Variants in LSAMP observed in about 807,000 individuals in gnomAD.
LSAMP encodes the protein limbic system associated membrane protein.
LSAMP carries 7 observed loss-of-function variants against 38.6 expected under a neutral mutation model. That is an observed-to-expected ratio of 0.18 (90% CI 0.10 to 0.34). The LOEUF is 0.34. Among genes scored for constraint, LSAMP ranks in the 10% least tolerant of loss-of-function variants. The probability of loss-of-function intolerance (pLI) is 1.00; values close to 1 mark genes in which losing one functional copy is unlikely to be tolerated. For synonymous variants in LSAMP, 154 were observed against 166.8 expected (o/e 0.92, Z 0.59); for missense variants, 313 against 420.0 (o/e 0.75, Z 2.23).
intron 1 of LSAMP, among the ~76,000 whole-genome samples, chr3:116,137,809 C>T (rs931452282): frequency 6.6e-6 from 1 of 152,050 alleles, no homozygotes; most frequent in African/African-American, 2.4e-5. Flanking sequence ...TAATGATGGC[C>T]TTATCAAAGG....
At chr3:116,359,389 C>A (rs1056965270) in intron 1 of LSAMP, among the ~76,000 whole-genome samples, 19 of 152,174 alleles carry the variant, frequency 1.2e-4, no homozygotes, top group Non-Finnish European at 2.9e-5. Context: ...CTCTCTCCAA[C>A]AAAGCAGTAT....
chr3:116,241,883 T>A (rs1381566105), intron 1 of LSAMP, among the ~76,000 whole-genome samples: 1 of 152,240 alleles, frequency 6.6e-6, no homozygotes, highest in Admixed American at 6.5e-5. Flanking sequence ...CCATTGGAAT[T>A]GGGGGTGTAA....
chr3:116,421,848 A>G (rs1356415373), intron 1 of LSAMP, among the ~76,000 whole-genome samples: 4 of 152,222 alleles, frequency 2.6e-5, no homozygotes, highest in Non-Finnish European at 5.9e-5. Context: ...AAAATGGTGT[A>G]GTTATTTTGG....
intron 2 of LSAMP, among the ~76,000 whole-genome samples, chr3:116,062,248 C>A (rs1295049776): frequency 6.6e-6 from 1 of 152,242 alleles, no homozygotes; most frequent in East Asian, 1.9e-4. Context: ...GTGGCCTATG[C>A]CTGTAATCCC....
At chr3:116,203,943 A>T (rs1166205877) in intron 1 of LSAMP, among the ~76,000 whole-genome samples, 1 of 152,094 alleles carries the variant, frequency 6.6e-6, no homozygotes, top group Non-Finnish European at 1.5e-5. Context: ...GTCAAATGGT[A>T]TTTCTAGTTC....
chr3:115,894,446 T>C (rs1936679429), intron 3 of LSAMP, among the ~76,000 whole-genome samples: 1 of 152,042 alleles, frequency 6.6e-6, no homozygotes, highest in African/African-American at 2.4e-5. Flanking sequence ...TAAAACACCA[T>C]GTGAGTGAGA....
chr3:115,878,489 T>C, intron 3 of LSAMP, among the ~76,000 whole-genome samples: 1 of 125,692 alleles, frequency 8.0e-6, no homozygotes, highest in African/African-American at 3.2e-5. Context: ...TTTGACAGAC[T>C]CTTGCTCTGT....
At chr3:115,988,208 A>T (rs543298372) in intron 3 of LSAMP, among the ~76,000 whole-genome samples, 16 of 152,290 alleles carry the variant, frequency 1.1e-4, no homozygotes, top group African/African-American at 3.8e-4. Flanking sequence ...AATTTTCATT[A>T]CAATGCTTCA....
intron 1 of LSAMP, among the ~76,000 whole-genome samples, chr3:116,411,829 G>A (rs1204568355): frequency 6.6e-6 from 1 of 151,850 alleles, no homozygotes; most frequent in Non-Finnish European, 1.5e-5. Flanking sequence ...AGGTGATTAG[G>A]TCATGAGGGC....
chr3:116,154,493 A>G (rs115526406), intron 1 of LSAMP, among the ~76,000 whole-genome samples: 121 of 152,284 alleles, frequency 7.9e-4, no homozygotes, highest in Admixed American at 3.1e-3. Flanking sequence ...CACTGATTAA[A>G]CATTTCACAG....
At chr3:115,895,283 T>C (rs1403424804) in intron 3 of LSAMP, among the ~76,000 whole-genome samples, 1 of 152,074 alleles carries the variant, frequency 6.6e-6, no homozygotes, top group Non-Finnish European at 1.5e-5. Flanking sequence ...TTTAGGGATG[T>C]ATCATTTTGG....
At chr3:115,855,708 C>T (rs968615051) in intron 3 of LSAMP, among the ~76,000 whole-genome samples, 1 of 152,182 alleles carries the variant, frequency 6.6e-6, no homozygotes, top group African/African-American at 2.4e-5. Flanking sequence ...TGTGTCCGTC[C>T]TCATGAGAGC....
chr3:116,273,813 T>C (rs7610592), intron 1 of LSAMP, among the ~76,000 whole-genome samples: 102,676 of 136,570 alleles, frequency 0.75, 39,147 homozygotes, highest in Non-Finnish European at 0.81. Flanking sequence ...TTTTCTTTCT[T>C]TCTCTCTCTC....
chr3:116,200,395 A>G lies in LSAMP; in HGVS notation c.156-113839T>C, dbSNP rs141938454. Among the ~76,000 whole-genome samples, 9 of 152,318 alleles carry G rather than the reference A, an allele frequency of 5.9e-5. No homozygotes were observed. The East Asian group carries it at 1.4e-3, about 23-fold the overall frequency. ...AGAAATGTGGAATGTGCCATTCCCA[A>G]TTAAGAGTCTGATACATCCTATCTG... On this transcript the variant is annotated intron_variant, in intron 1 of 6. Coordinates refer to ENST00000490035, the MANE Select transcript of LSAMP (RefSeq NM_002338.5).
chr3:116,092,371 C>T (rs953889237), intron 1 of LSAMP, among the ~76,000 whole-genome samples: 2 of 151,814 alleles, frequency 1.3e-5, no homozygotes, highest in Admixed American at 1.3e-4. Context: ...TCTCTAGGAA[C>T]TAAATGATCT....
At chr3:116,257,172 T>A (rs892079826) in intron 1 of LSAMP, among the ~76,000 whole-genome samples, 1 of 152,120 alleles carries the variant, frequency 6.6e-6, no homozygotes, top group African/African-American at 2.4e-5. Context: ...CTAAACTCCC[T>A]TTTAGCAGGG....
intron 1 of LSAMP, among the ~76,000 whole-genome samples, chr3:116,436,755 A>G (rs542431752): frequency 6.6e-6 from 1 of 152,268 alleles, no homozygotes; most frequent in South Asian, 2.1e-4. Context: ...TACAGCCACT[A>G]TGGAAAACAG....
At chr3:116,409,577 T>C (rs1401771241) in intron 1 of LSAMP, among the ~76,000 whole-genome samples, 2 of 152,066 alleles carry the variant, frequency 1.3e-5, no homozygotes, top group African/African-American at 4.8e-5. Flanking sequence ...GGGTGAGCCA[T>C]AGATCCATCG....
intron 1 of LSAMP, among the ~76,000 whole-genome samples, chr3:116,411,026 C>T (rs991011150): frequency 1.3e-5 from 2 of 151,882 alleles, no homozygotes; most frequent in African/African-American, 4.8e-5. Context: ...AGAGGTGGGA[C>T]GCTCACCAGC....
Sources: gnomAD v4.1 joint callset for allele counts (sites outside exome capture counted in the v4.1 genomes callset) on GRCh38, gnomAD v4.1.1 for gene constraint, MANE v1.5 for transcripts, NCBI Gene and HGNC (gene_info 2026-07-23, HGNC 2026-07-21) for gene names.